The following KLF9 variants were observed in gnomAD, a reference collection of about 807,000 sequenced individuals.
KLF9 encodes the protein KLF transcription factor 9, also known as Krueppel-like factor 9.
A neutral mutation model predicts 17.3 loss-of-function variants in KLF9; 2 were observed. The ratio of observed to expected loss-of-function variants is 0.12; its 90% CI spans 0.05 to 0.36. The LOEUF (loss-of-function observed/expected upper bound fraction) is 0.36. KLF9 is among the 10% of genes least tolerant of loss of function. KLF9 has a pLI of 1.00. For synonymous variants in KLF9, 138 were observed against 139.2 expected (o/e 0.99, Z 0.06); for missense variants, 226 against 333.2 (o/e 0.68, Z 2.51).
chr9:70,405,449 C>G (rs151077764), intron 1 of KLF9, among the ~76,000 whole-genome samples: 1 of 152,308 alleles, frequency 6.6e-6, no homozygotes, highest in East Asian at 1.9e-4. Flanking sequence ...ATTGGCCTTT[C>G]TCCTGTTCAA....
In KLF9 at chr9:70,387,753, C is replaced by T. The variant is rs920740220; in HGVS notation, c.*23G>A. 70 of 1,608,096 alleles carry T rather than the reference C, an allele frequency of 4.4e-5. No individual in the cohort carries two copies. The highest frequency in any genetic ancestry group is 5.8e-5 in the Non-Finnish European group (68 of 1,175,078). On this transcript the variant is annotated 3_prime_UTR_variant, in exon 2 of 2. Transcript: ENST00000377126. The stretch of plus-strand genomic sequence containing the variant: ...TTTTCTCCTTTCGGGGTCCATCCCT[C>T]CCTGGCTTCCACGGGCAGCACCTCA...
intron 1 of KLF9, among the ~76,000 whole-genome samples, chr9:70,388,254 C>T (rs929449017): frequency 2.6e-5 from 4 of 152,114 alleles, no homozygotes; most frequent in African/African-American, 9.7e-5. Context: ...GGCCTTAATC[C>T]ACGACTGGTG....
intron 1 of KLF9, among the ~76,000 whole-genome samples, chr9:70,399,646 C>G (rs1189223235): frequency 6.6e-6 from 1 of 152,182 alleles, no homozygotes; most frequent in Non-Finnish European, 1.5e-5. Context: ...ACGCCCTGCA[C>G]AATAGTGTGT....
rs1212200785 is a variant in KLF9, at chr9:70,414,428, A to G, written c.-1065T>C. On this transcript the variant is annotated 5_prime_UTR_variant, in exon 1 of 2. An upstream open reading frame in the 5' UTR loses its in-frame stop. Transcript: ENST00000377126. ...AATCAAAAGTAAGTTGGTTGATGTC[A>G]CTGGCATTGGCTCGGCCAATCACAA... is the stretch of plus-strand genomic sequence containing the variant. 1.3e-5 allele frequency: 2 copies of G among 152,238 alleles called. No individual in the cohort carries two copies. Among genetic ancestry groups the G allele is most frequent in the Non-Finnish European group, 2.9e-5 (2 of 68,054 alleles). 9.4% of individuals were successfully genotyped at this position (152,238 alleles called of 1,614,324 possible). A position where few individuals can be genotyped will look rare whatever the true frequency, so the allele number is the denominator to read the frequency against.
At chr9:70,410,768 A>C (rs544128818) in intron 1 of KLF9, among the ~76,000 whole-genome samples, 1 of 152,334 alleles carries the variant, frequency 6.6e-6, no homozygotes, top group Non-Finnish European at 1.5e-5. Context: ...ATTTAAATTG[A>C]AGTTGTATCT....
At chr9:70,398,184 G>T (rs2037196144) in intron 1 of KLF9, among the ~76,000 whole-genome samples, 1 of 152,154 alleles carries the variant, frequency 6.6e-6, no homozygotes, top group Non-Finnish European at 1.5e-5. Context: ...TCCTGCTTGT[G>T]ATTTGGCTTC....
At position 70,414,208 on chromosome 9, in the gene KLF9, T is replaced by G. The variant is rs1199106160; in HGVS notation, c.-845A>C. The G allele has an allele frequency of 3.9e-5, 6 of 152,216 alleles. No individual in the cohort carries two copies. The highest frequency in any genetic ancestry group is 5.9e-5 in the Non-Finnish European group (4 of 68,070). 9.4% of individuals were successfully genotyped at this position (152,216 alleles called of 1,614,324 possible). On this transcript the variant is annotated 5_prime_UTR_variant, in exon 1 of 2. Transcript: ENST00000377126. ...GGCAGGGAAGGGGCAGCCGCACACT[T>G]TCGGAGTGCCTCGCGGTCCCGTGGC... is the stretch of plus-strand genomic sequence containing the variant.
At chr9:70,392,143 C>T (rs1334760526) in intron 1 of KLF9, among the ~76,000 whole-genome samples, 1 of 152,206 alleles carries the variant, frequency 6.6e-6, no homozygotes, top group East Asian at 1.9e-4. Flanking sequence ...CAAGATCACG[C>T]CACTGCACTC....
chr9:70,394,942 C>T (rs532658084), intron 1 of KLF9, among the ~76,000 whole-genome samples: 4 of 152,168 alleles, frequency 2.6e-5, no homozygotes, highest in African/African-American at 9.6e-5. Context: ...TAACACACAC[C>T]GTAAGAATTT....
In KLF9 at chr9:70,413,935, T is replaced by G. The variant is rs961665198; in HGVS notation, c.-572A>C. 7 of 152,668 alleles carry G rather than the reference T, an allele frequency of 4.6e-5. No homozygotes were observed. Among genetic ancestry groups the G allele is most frequent in the Non-Finnish European group, 8.8e-5 (6 of 68,104 alleles). 9.5% of individuals were successfully genotyped at this position (152,668 alleles called of 1,614,324 possible). On this transcript the variant is annotated 5_prime_UTR_variant, in exon 1 of 2. Coordinates refer to ENST00000377126, the MANE Select transcript of KLF9 (RefSeq NM_001206.4). This position sits in a 1 kb window ranked among gnomAD's most constrained non-coding sequence, Gnocchi z 5.6. ...CCCTGCTCCGGCCGGTCCGCACCGT[T>G]CCGGCATTCTCTTGCTCAGTAACAA... is the stretch of plus-strand genomic sequence containing the variant.
At chr9:70,409,154 A>G (rs71483583) in intron 1 of KLF9, among the ~76,000 whole-genome samples, 2 of 49,590 alleles carry the variant, frequency 4.0e-5, no homozygotes, top group Non-Finnish European at 6.3e-5. Context: ...GTATATGTAT[A>G]TATATACACA....
intron 1 of KLF9, among the ~76,000 whole-genome samples, chr9:70,409,081 T>TATATGTATATATATGTGTATATATAC (rs2037283866): frequency 1.1e-5 from 1 of 93,004 alleles, no homozygotes; most frequent in African/African-American, 3.4e-5. Flanking sequence ...TGTATATATA[T>TATATGTATATATATGTGTATATATAC]ACACATATAT....
rs770301994 is a variant in KLF9, at chr9:70,413,216, G to A, written c.148C>T (p.Pro50Ser). Residue 50 changes from proline (P) to serine (S), a missense_variant, in exon 1 of 2, where the codon CCG becomes TCG. By Grantham distance (74) the Pro-to-Ser change is moderately conservative (BLOSUM62 -1). Transcript: ENST00000377126. The surrounding 1 kb of genome is among the most constrained non-coding windows in gnomAD (Gnocchi z 5.6). ...EREVTKEHGD[P>S]GDTWKDYCTL... ...CAGTAATCCTTCCAGGTGTCCCCCG[G>A]GTCACCGTGCTCCTTGGTCACCTCG... The A allele has an allele frequency of 1.9e-6, 3 of 1,613,960 alleles. No homozygotes were observed. The highest frequency in any genetic ancestry group is 2.5e-6 in the Non-Finnish European group (3 of 1,180,034).
intron 1 of KLF9, among the ~76,000 whole-genome samples, chr9:70,400,252 T>A (rs2037212237): frequency 6.6e-6 from 1 of 152,138 alleles, no homozygotes; most frequent in South Asian, 2.1e-4. Flanking sequence ...ACAGGAGGAC[T>A]GGGTCACAGT....
intron 1 of KLF9, among the ~76,000 whole-genome samples, chr9:70,391,925 C>G (rs1346013712): frequency 6.6e-6 from 1 of 152,202 alleles, no homozygotes; most frequent in East Asian, 1.9e-4. Flanking sequence ...ATTCTCAAAA[C>G]AGCAGTGTTG....
chr9:70,400,937 C>T (rs2037216600), intron 1 of KLF9, among the ~76,000 whole-genome samples: 2 of 152,084 alleles, frequency 1.3e-5, no homozygotes, highest in South Asian at 2.1e-4. Context: ...CCCACTCAAC[C>T]CTCCCCCTGA....
rs1271897714 is a variant in KLF9 at position 70,386,229 on chromosome 9, G to A, written c.*1547C>T. The A allele has an allele frequency of 6.6e-6, 1 of 152,650 alleles. No individual in the cohort carries two copies. Among genetic ancestry groups the A allele is most frequent in the African/African-American group, 2.4e-5 (1 of 41,422 alleles). 9.5% of individuals were successfully genotyped at this position (152,650 alleles called of 1,614,324 possible). A position where few individuals can be genotyped will look rare whatever the true frequency, so the allele number is the denominator to read the frequency against. ...TCACTGCTGACTCCCCTCATTTGAG[G>A]TCTTAACTACGAAAACTCAGTTCAC... On this transcript the variant is annotated 3_prime_UTR_variant, in exon 2 of 2. Transcript: ENST00000377126.
At chr9:70,401,340 C>T (rs1253324412) in intron 1 of KLF9, among the ~76,000 whole-genome samples, 2 of 151,602 alleles carry the variant, frequency 1.3e-5, no homozygotes, top group Non-Finnish European at 2.9e-5. Flanking sequence ...GAGTGAGACC[C>T]CATCTCAGGA....
At chr9:70,397,342 G>T (rs2037187938) in intron 1 of KLF9, among the ~76,000 whole-genome samples, 1 of 152,072 alleles carries the variant, frequency 6.6e-6, no homozygotes, top group South Asian at 2.1e-4. Flanking sequence ...AGGCATGGTG[G>T]CACATGCCTG....
Sources: allele counts gnomAD v4.1 joint callset (sites outside exome capture counted in the v4.1 genomes callset), GRCh38; gene constraint gnomAD v4.1.1; non-coding constraint Gnocchi (gnomAD v3.1); transcripts MANE v1.5; gene names NCBI Gene and HGNC (gene_info 2026-07-23, HGNC 2026-07-21).